Variants in MKLN1 observed in about 807,000 individuals in gnomAD.
MKLN1 encodes muskelin.
In MKLN1, 18 loss-of-function variants were observed where a neutral mutation model predicts 99.0. The ratio of observed to expected loss-of-function variants is 0.18; its 90% confidence interval spans 0.13 to 0.27. The LOEUF is 0.27. MKLN1 is among the 10% of genes least tolerant of loss of function. The pLI is 1.00. For missense variants in MKLN1, 621 were observed against 875.9 expected, an observed-to-expected ratio of 0.71 and a Z score of 3.67; for synonymous variants, 288 against 293.2, an observed-to-expected ratio of 0.98 and a Z score of 0.18.
intron 8 of MKLN1, among the ~76,000 whole-genome samples, chr7:131,422,570 AAAAG>A (rs1172736161): frequency 6.6e-6 from 1 of 152,198 alleles, no homozygotes; most frequent in Non-Finnish European, 1.5e-5. Context: ...TTGTTTTAAA[AAAAG>A]AACACCTTCA....
At chr7:131,135,581 A>G (rs962350533) in intron 1 of MKLN1, among the ~76,000 whole-genome samples, 2 of 152,244 alleles carry the variant, frequency 1.3e-5, no homozygotes, top group Non-Finnish European at 2.9e-5. Context: ...CGAGGGAACA[A>G]TGAGGTAGGA....
chr7:131,313,564 G>GA (rs537847013), intron 3 of MKLN1, among the ~76,000 whole-genome samples: 19 of 152,340 alleles, frequency 1.2e-4, no homozygotes, highest in East Asian at 9.6e-4. Flanking sequence ...GAGTTTTAGA[G>GA]AAAATGCAGT....
At chr7:131,222,860 C>CAAAAAA (rs375317109) in intron 3 of MKLN1, among the ~76,000 whole-genome samples, 3 of 88,642 alleles carry the variant, frequency 3.4e-5, no homozygotes, top group African/African-American at 3.9e-5. Context: ...GCTAAAAATA[C>CAAAAAA]AAAAAAAAAA....
intron 3 of MKLN1, among the ~76,000 whole-genome samples, chr7:131,233,140 G>C (rs1325112224): frequency 1.3e-5 from 2 of 152,060 alleles, no homozygotes; most frequent in Non-Finnish European, 2.9e-5. Flanking sequence ...ACGAGTTCGA[G>C]ACCAGCCTGA....
At chr7:131,405,793 A>G (rs572153475) in intron 6 of MKLN1, among the ~76,000 whole-genome samples, 34 of 152,230 alleles carry the variant, frequency 2.2e-4, no homozygotes, top group African/African-American at 7.5e-4. Context: ...CATATCCTGT[A>G]TGTTTCCAGT....
chr7:131,212,539 G>A (rs1359891733), intron 3 of MKLN1, among the ~76,000 whole-genome samples: 1 of 152,190 alleles, frequency 6.6e-6, no homozygotes, highest in African/African-American at 2.4e-5. Context: ...TGCAAATGCA[G>A]TTCTTAAAAT....
At chr7:131,270,505 G>C (rs1797869340) in intron 3 of MKLN1, among the ~76,000 whole-genome samples, 2 of 152,228 alleles carry the variant, frequency 1.3e-5, no homozygotes, top group Admixed American at 6.5e-5. Context: ...ATAGGCCTGA[G>C]CCACCGTGCC....
chr7:131,133,463 C>G (rs557016076), intron 1 of MKLN1, among the ~76,000 whole-genome samples: 2 of 149,568 alleles, frequency 1.3e-5, no homozygotes, highest in Admixed American at 1.3e-4. Flanking sequence ...AAGCCATTCT[C>G]CTGCCTCAGC....
intron 3 of MKLN1, among the ~76,000 whole-genome samples, chr7:131,271,711 C>T (rs982551803): frequency 1.3e-5 from 2 of 151,858 alleles, no homozygotes; most frequent in Non-Finnish European, 2.9e-5. Context: ...GAGTTTGAGA[C>T]CAGCTTGGTC....
At chr7:131,185,030 C>T (rs1053235680) in intron 2 of MKLN1, among the ~76,000 whole-genome samples, 3 of 152,034 alleles carry the variant, frequency 2.0e-5, no homozygotes, top group African/African-American at 7.2e-5. Context: ...TGGAGTTGCC[C>T]CTGAGCATTG....
intron 3 of MKLN1, among the ~76,000 whole-genome samples, chr7:131,254,833 T>C (rs1563268733): frequency 1.3e-5 from 2 of 151,486 alleles, no homozygotes; most frequent in Non-Finnish European, 2.9e-5. Context: ...ATCTGCATAA[T>C]GGGGTTACCA....
chr7:131,213,146 C>T (rs921793742), intron 3 of MKLN1, among the ~76,000 whole-genome samples: 3 of 151,886 alleles, frequency 2.0e-5, no homozygotes, highest in African/African-American at 7.3e-5. Flanking sequence ...TTATATTATA[C>T]ATATATATAC....
chr7:131,169,418 A>G (rs994807102), intron 2 of MKLN1, among the ~76,000 whole-genome samples: 6 of 152,316 alleles, frequency 3.9e-5, no homozygotes, highest in Middle Eastern at 3.4e-3. Context: ...CAGTGTCTCG[A>G]TAACTATTTG....
At chr7:131,306,962 A>T in intron 3 of MKLN1, among the ~76,000 whole-genome samples, 1 of 152,286 alleles carries the variant, frequency 6.6e-6, no homozygotes, top group East Asian at 1.9e-4. Flanking sequence ...CTAGGAGGGA[A>T]AAATGGTTTC....
At chr7:131,355,401 A>T (rs1321660631) in intron 1 of MKLN1, among the ~76,000 whole-genome samples, 1 of 151,912 alleles carries the variant, frequency 6.6e-6, no homozygotes, top group South Asian at 2.1e-4. Context: ...CTTTTTATGC[A>T]GGAACATGGC....
chr7:131,190,733 A>G (rs1435777275), intron 2 of MKLN1, among the ~76,000 whole-genome samples: 1 of 152,150 alleles, frequency 6.6e-6, no homozygotes, highest in Non-Finnish European at 1.5e-5. Context: ...AGAAATGCAG[A>G]TTGCTATAAG....
At chr7:131,239,965 C>T (rs1424607216) in intron 3 of MKLN1, among the ~76,000 whole-genome samples, 2 of 151,948 alleles carry the variant, frequency 1.3e-5, no homozygotes, top group Non-Finnish European at 2.9e-5. Context: ...GATGATCACT[C>T]GAGACCAGGA....
chr7:131,215,059 G>T (rs746277522), intron 3 of MKLN1, among the ~76,000 whole-genome samples: 1 of 152,132 alleles, frequency 6.6e-6, no homozygotes, highest in African/African-American at 2.4e-5. Flanking sequence ...ATACCAATCA[G>T]CATACAAGAC....
intron 8 of MKLN1, among the ~76,000 whole-genome samples, chr7:131,424,592 A>T (rs1020000175): frequency 6.6e-6 from 1 of 152,140 alleles, no homozygotes; most frequent in Non-Finnish European, 1.5e-5. Context: ...TGCATATAAG[A>T]TGTGTAGATT....
Sources: gnomAD v4.1 joint callset for allele counts (sites outside exome capture counted in the v4.1 genomes callset) on GRCh38, gnomAD v4.1.1 for gene constraint, MANE v1.5 for transcripts, NCBI Gene and HGNC (gene_info 2026-07-23, HGNC 2026-07-21) for gene names.